The following ST8SIA5 variants were observed in gnomAD, a reference collection of about 807,000 sequenced individuals.
The protein encoded by ST8SIA5 is alpha-2,8-sialyltransferase 8E.
A neutral mutation model predicts 40.2 loss-of-function variants in ST8SIA5; 24 were observed. The ratio of observed to expected loss-of-function variants is 0.60; its 90% CI spans 0.43 to 0.84. ST8SIA5 has a LOEUF of 0.84. ST8SIA5 is among the 40% of genes least tolerant of loss of function. The pLI is 0.00. For missense variants in ST8SIA5, 465 were observed against 498.5 expected (o/e 0.93, Z 0.64); for synonymous variants, 198 against 201.8 (o/e 0.98, Z 0.16).
chr18:46,697,475 G>GA (rs2039568013), intron 2 of ST8SIA5, among the ~76,000 whole-genome samples: 1 of 152,110 alleles, frequency 6.6e-6, no homozygotes, highest in South Asian at 2.1e-4. Context: ...AAAGAGGAGA[G>GA]AAAAAAGATA....
At chr18:46,688,966 G>A (rs2039475810) in intron 3 of ST8SIA5, 47 bp from the exon 4 acceptor site, 6 of 1,582,252 alleles carry the variant, frequency 3.8e-6, no homozygotes, top group African/African-American at 1.3e-5. Flanking sequence ...CAGGAAAGAT[G>A]TGATGGAGGG....
intron 1 of ST8SIA5, among the ~76,000 whole-genome samples, chr18:46,723,950 A>ATT (rs529031694): frequency 2.8e-4 from 42 of 152,050 alleles, no homozygotes; most frequent in South Asian, 8.3e-4. Context: ...AAAAAGCAGA[A>ATT]TTTTTTTTCA....
chr18:46,745,734 T>C (rs2040133476), intron 1 of ST8SIA5, among the ~76,000 whole-genome samples: 1 of 152,206 alleles, frequency 6.6e-6, no homozygotes, highest in African/African-American at 2.4e-5. Context: ...AGAATCATCC[T>C]GATACTAAAG....
In ST8SIA5 at chr18:46,672,508, C is replaced by T. The variant is rs2039314547; in HGVS notation, c.*7534G>A. 1 of 152,066 alleles carries T rather than the reference C, an allele frequency of 6.6e-6. No individual in the cohort carries two copies. The highest frequency in any genetic ancestry group is 6.6e-5 in the Admixed American group (1 of 15,248). The allele number at this position is 152,066 out of a possible 1,614,324, so 9.4% of individuals were successfully genotyped here. ...GTTGAAGGAAATGAGAGATTTGTTG[C>T]CATGGGAACCATCTTCAACTGAAGA... is the stretch of plus-strand genomic sequence containing the variant. On this transcript the variant is annotated 3_prime_UTR_variant, in exon 7 of 7. Transcript: ENST00000315087.
At position 46,673,175 on chromosome 18, in the gene ST8SIA5, T is replaced by C. The variant is rs1245666764; in HGVS notation, c.*6867A>G. On this transcript the variant is annotated 3_prime_UTR_variant, in exon 7 of 7. Coordinates refer to ENST00000315087, the MANE Select transcript of ST8SIA5 (RefSeq NM_013305.6). Reference sequence around the variant, plus strand: ...TACAACAGTGTGAATGTACTTACCATTACTGAACTGTACACTTAAAAATGG... The same window carrying C: ...TACAACAGTGTGAATGTACTTACCACTACTGAACTGTACACTTAAAAATGG... The C allele has an allele frequency of 2.0e-5, 3 of 152,214 alleles. No individual in the cohort carries two copies. Among genetic ancestry groups the C allele is most frequent in the African/African-American group, 4.8e-5 (2 of 41,462 alleles). 9.4% of individuals were successfully genotyped at this position (152,214 alleles called of 1,614,324 possible).
chr18:46,717,048 T>C (rs968301762), intron 1 of ST8SIA5, among the ~76,000 whole-genome samples: 1 of 152,218 alleles, frequency 6.6e-6, no homozygotes, highest in Non-Finnish European at 1.5e-5. Flanking sequence ...TCTGTCCCTG[T>C]GACTGAAGTG....
intron 1 of ST8SIA5, among the ~76,000 whole-genome samples, chr18:46,720,782 G>C (rs2039854059): frequency 6.6e-6 from 1 of 152,140 alleles, no homozygotes; most frequent in South Asian, 2.1e-4. Flanking sequence ...CAATGAGTGT[G>C]CTCAGCCTGA....
intron 1 of ST8SIA5, among the ~76,000 whole-genome samples, chr18:46,731,420 T>C (rs2039983603): frequency 6.6e-6 from 1 of 152,188 alleles, no homozygotes; most frequent in South Asian, 2.1e-4. Flanking sequence ...GAGTAACTGC[T>C]ACTACCCATA....
chr18:46,753,888 G>C (rs1289239059), intron 1 of ST8SIA5, among the ~76,000 whole-genome samples: 1 of 152,120 alleles, frequency 6.6e-6, no homozygotes, highest in African/African-American at 2.4e-5. Context: ...CGCCTGGGGA[G>C]CTTGTTACAA....
intron 1 of ST8SIA5, among the ~76,000 whole-genome samples, chr18:46,705,601 C>T (rs1368050870): frequency 2.6e-5 from 4 of 152,226 alleles, no homozygotes; most frequent in African/African-American, 4.8e-5. Flanking sequence ...GCTATGAGCA[C>T]GGCTGGTGTC....
At chr18:46,737,934 A>C (rs1228177312) in intron 1 of ST8SIA5, among the ~76,000 whole-genome samples, 2 of 151,888 alleles carry the variant, frequency 1.3e-5, no homozygotes, top group Non-Finnish European at 2.9e-5. Context: ...CCACGCCCGA[A>C]TAATTTTTGT....
chr18:46,736,920 C>T (rs2040040109), intron 1 of ST8SIA5, among the ~76,000 whole-genome samples: 1 of 152,088 alleles, frequency 6.6e-6, no homozygotes, highest in Non-Finnish European at 1.5e-5. Context: ...AGTCCAGGGG[C>T]TCTGCAGGAC....
chr18:46,754,369 A>G (rs1266848678), intron 1 of ST8SIA5, among the ~76,000 whole-genome samples: 1 of 152,136 alleles, frequency 6.6e-6, no homozygotes, highest in Non-Finnish European at 1.5e-5. Flanking sequence ...AGTCTTGCCT[A>G]ACTTCTCCAG....
At chr18:46,715,221 G>A (rs1412453477) in intron 1 of ST8SIA5, among the ~76,000 whole-genome samples, 2 of 152,338 alleles carry the variant, frequency 1.3e-5, no homozygotes, top group Admixed American at 6.5e-5. Context: ...TGACCCGGAA[G>A]GCTGAAGTGA....
chr18:46,679,943 C>G lies in ST8SIA5; in HGVS notation c.*99G>C. On this transcript the variant is annotated 3_prime_UTR_variant, in exon 7 of 7. Transcript: ENST00000315087. Reference sequence around the variant, plus strand: ...ACAATGGAGGGAGAGACAGCCTGAACGCCAGGACCCCACGCTGCCCGGTTC... The same window carrying G: ...ACAATGGAGGGAGAGACAGCCTGAAGGCCAGGACCCCACGCTGCCCGGTTC... 1 of 1,164,294 alleles carries G rather than the reference C, an allele frequency of 8.6e-7. No homozygotes were observed. The highest frequency in any genetic ancestry group is 1.2e-6 in the Non-Finnish European group (1 of 839,014). 72.1% of individuals were successfully genotyped at this position (1,164,294 alleles called of 1,614,324 possible). A position where few individuals can be genotyped will look rare whatever the true frequency, so the allele number is the denominator to read the frequency against.
chr18:46,713,390 C>T (rs1249367111), intron 1 of ST8SIA5, among the ~76,000 whole-genome samples: 1 of 152,216 alleles, frequency 6.6e-6, no homozygotes, highest in African/African-American at 2.4e-5. Flanking sequence ...CCCTGTGAAG[C>T]TTCCTGTGCC....
rs2040251019 is a variant in ST8SIA5, at chr18:46,756,580, G to C, written c.-72C>G. 1 of 1,511,378 alleles carries C rather than the reference G, an allele frequency of 6.6e-7. No individual in the cohort carries two copies. The highest frequency in any genetic ancestry group is 8.8e-7 in the Non-Finnish European group (1 of 1,130,272). 93.6% of individuals were successfully genotyped at this position (1,511,378 alleles called of 1,614,324 possible). A position where few individuals can be genotyped will look rare whatever the true frequency, so the allele number is the denominator to read the frequency against. On this transcript the variant is annotated 5_prime_UTR_variant, in exon 1 of 7. Transcript: ENST00000315087. ...ATGACTCGCGGGGTTCCGGGGCCCC[G>C]GGGGGCGCGCGGCCGACTTGGCGCC...
At chr18:46,701,242 G>A (rs1289297249) in intron 2 of ST8SIA5, among the ~76,000 whole-genome samples, 1 of 135,632 alleles carries the variant, frequency 7.4e-6, no homozygotes, top group Admixed American at 8.2e-5. Context: ...CCGGGTTCAA[G>A]CAATTCTCCT....
intron 1 of ST8SIA5, among the ~76,000 whole-genome samples, chr18:46,734,406 C>A (rs1418850299): frequency 2.6e-5 from 4 of 152,042 alleles, no homozygotes; most frequent in Admixed American, 1.3e-4. Flanking sequence ...CACCTCCCCC[C>A]ACCCCTGCTC....
Sources: gnomAD v4.1 joint callset for allele counts (sites outside exome capture counted in the v4.1 genomes callset) on GRCh38, gnomAD v4.1.1 for gene constraint, MANE v1.5 for transcripts, NCBI Gene and HGNC (gene_info 2026-07-23, HGNC 2026-07-21) for gene names.